Variants in ERBB4 observed in about 807,000 individuals in gnomAD.
The protein encoded by ERBB4 is erb-b2 receptor tyrosine kinase 4, also known as receptor tyrosine-protein kinase erbB-4.
A neutral mutation model predicts 158.0 loss-of-function variants in ERBB4; 42 were observed. The observed-to-expected ratio is 0.27, with a 90% CI of 0.21 to 0.34. The LOEUF is 0.34. Ranked by LOEUF, ERBB4 falls within the 10% of genes least tolerant of loss-of-function variation. ERBB4 has a pLI of 1.00. For synonymous variants in ERBB4, 583 were observed against 558.7 expected, an observed-to-expected ratio of 1.04 and a Z score of -0.61; for missense variants, 1,333 against 1,624.1, an observed-to-expected ratio of 0.82 and a Z score of 3.08.
chr2:212,418,958 G>T (rs937340247), intron 1 of ERBB4, among the ~76,000 whole-genome samples: 7 of 151,816 alleles, frequency 4.6e-5, no homozygotes, highest in Admixed American at 3.9e-4. Flanking sequence ...AAACATGAAA[G>T]CTTCAAAGAA....
At chr2:212,131,693 T>G (rs1235422679) in intron 1 of ERBB4, among the ~76,000 whole-genome samples, 1 of 152,148 alleles carries the variant, frequency 6.6e-6, no homozygotes, top group African/African-American at 2.4e-5. Flanking sequence ...GAAGAGTATG[T>G]CTCTAATACA....
At chr2:211,829,231 C>G (rs529202587) in intron 3 of ERBB4, among the ~76,000 whole-genome samples, 1 of 152,262 alleles carries the variant, frequency 6.6e-6, no homozygotes, top group Admixed American at 6.5e-5. Flanking sequence ...GTGGTCACAT[C>G]ATTATTTTCA....
intron 3 of ERBB4, among the ~76,000 whole-genome samples, chr2:211,827,532 T>G (rs1476342882): frequency 1.3e-5 from 2 of 152,000 alleles, no homozygotes; most frequent in Middle Eastern, 3.2e-3. Flanking sequence ...TGGGATTTTA[T>G]TTTTAAAAAT....
intron 3 of ERBB4, among the ~76,000 whole-genome samples, chr2:211,912,699 T>C (rs1421354213): frequency 6.6e-6 from 1 of 152,202 alleles, no homozygotes; most frequent in African/African-American, 2.4e-5. Context: ...GACAACAGAC[T>C]GAGGTGGCTC....
chr2:211,610,424 T>C (rs949866872), intron 19 of ERBB4, among the ~76,000 whole-genome samples: 2 of 152,168 alleles, frequency 1.3e-5, no homozygotes, highest in African/African-American at 2.4e-5. Flanking sequence ...CCATTGAGGT[T>C]TGACATATTG....
chr2:211,483,459 G>A (rs573584161), intron 20 of ERBB4, among the ~76,000 whole-genome samples: 16 of 152,142 alleles, frequency 1.1e-4, no homozygotes, highest in African/African-American at 1.9e-4. Context: ...TAAAACAGCC[G>A]GAGGAATAAA....
intron 16 of ERBB4, among the ~76,000 whole-genome samples, chr2:211,649,099 G>C (rs773109668): frequency 3.3e-5 from 5 of 151,866 alleles, no homozygotes; most frequent in Non-Finnish European, 5.9e-5. Flanking sequence ...TACACGCTTA[G>C]ATCATGGAAT....
chr2:212,104,432 C>T (rs988062020), intron 2 of ERBB4, among the ~76,000 whole-genome samples: 1 of 152,100 alleles, frequency 6.6e-6, no homozygotes, highest in Non-Finnish European at 1.5e-5. Flanking sequence ...ATTAGAATTA[C>T]ACTTCACAAT....
intron 12 of ERBB4, among the ~76,000 whole-genome samples, chr2:211,693,090 T>A (rs745477267): frequency 6.6e-5 from 10 of 152,140 alleles, no homozygotes; most frequent in Non-Finnish European, 1.5e-4. Flanking sequence ...ATATCTCTGA[T>A]GTGAGTGGGA....
At chr2:211,779,753 C>T (rs1278092525) in intron 4 of ERBB4, 1 of 152,116 alleles carries the variant, frequency 6.6e-6, no homozygotes, top group Non-Finnish European at 1.5e-5. Flanking sequence ...GAAGAGCCAG[C>T]CTAAAGGAAA....
chr2:211,792,907 T>C (rs890604106), intron 3 of ERBB4, among the ~76,000 whole-genome samples: 3 of 151,862 alleles, frequency 2.0e-5, no homozygotes, highest in African/African-American at 7.2e-5. Context: ...TGCAGTGAAT[T>C]TGGGGATGAG....
intron 3 of ERBB4, among the ~76,000 whole-genome samples, chr2:211,804,314 T>C (rs1217064134): frequency 6.6e-6 from 1 of 152,134 alleles, no homozygotes; most frequent in Non-Finnish European, 1.5e-5. Context: ...GTTCCCAAGT[T>C]TTGTTAGTCC....
At chr2:211,918,839 T>C (rs185103335) in intron 3 of ERBB4, among the ~76,000 whole-genome samples, 1 of 152,248 alleles carries the variant, frequency 6.6e-6, no homozygotes, top group East Asian at 1.9e-4. Flanking sequence ...AAAGGACAAA[T>C]GTGGAACAAA....
At chr2:211,628,063 G>A (rs1304758432) in intron 17 of ERBB4, among the ~76,000 whole-genome samples, 3 of 152,038 alleles carry the variant, frequency 2.0e-5, no homozygotes, top group Non-Finnish European at 4.4e-5. Flanking sequence ...CTAATTTAAT[G>A]ATCCTAATTA....
intron 1 of ERBB4, among the ~76,000 whole-genome samples, chr2:212,480,109 A>C (rs1285534741): frequency 6.6e-6 from 1 of 152,198 alleles, no homozygotes; most frequent in Non-Finnish European, 1.5e-5. Context: ...CTCTGTCTCT[A>C]GGCAAGTGAA....
rs112229997 is a variant in ERBB4 at position 211,487,564 on chromosome 2, T to C, written c.2488-56464A>G. On this transcript the variant is annotated intron_variant, in intron 20 of 27. Coordinates refer to ENST00000342788, the MANE Select transcript of ERBB4 (RefSeq NM_005235.3). ...TTAAAAACAATTATTTTCTATTTTATTGTACAAGCCAGAATTTCTGGGAAA... is the reference window on the plus strand; with the variant it reads ...TTAAAAACAATTATTTTCTATTTTACTGTACAAGCCAGAATTTCTGGGAAA... Among the ~76,000 whole-genome samples the C allele has an allele frequency of 4.7e-3, 711 of 152,198 alleles. 12 individuals are homozygous for C. Among genetic ancestry groups the C allele is most frequent in the African/African-American group, 0.016 (677 of 41,538 alleles).
chr2:211,973,598 T>G (rs2081520697), intron 2 of ERBB4, among the ~76,000 whole-genome samples: 1 of 152,164 alleles, frequency 6.6e-6, no homozygotes, highest in South Asian at 2.1e-4. Flanking sequence ...CTGGTGAGGT[T>G]GTGGAGAAAA....
intron 1 of ERBB4, among the ~76,000 whole-genome samples, chr2:212,198,549 A>T (rs1237894636): frequency 6.6e-6 from 1 of 152,034 alleles, no homozygotes; most frequent in African/African-American, 2.4e-5. Flanking sequence ...AATCCTTCTT[A>T]GGGCTGAATA....
At chr2:211,944,195 ATATACTAT>A (rs2080605679) in intron 3 of ERBB4, among the ~76,000 whole-genome samples, 2 of 45,416 alleles carry the variant, frequency 4.4e-5, no homozygotes, top group Admixed American at 4.3e-4. Context: ...ATATATATAT[ATATACTAT>A]ATATATATAT....
Sources: gnomAD v4.1 joint callset for allele counts (sites outside exome capture counted in the v4.1 genomes callset) on GRCh38, gnomAD v4.1.1 for gene constraint, MANE v1.5 for transcripts, NCBI Gene and HGNC (gene_info 2026-07-23, HGNC 2026-07-21) for gene names.